XKR6: variants seen among roughly 807,000 people sequenced by gnomAD.
XKR6 encodes XK related 6.
XKR6 carries 22 observed loss-of-function variants against 56.7 expected under a neutral mutation model. The observed-to-expected ratio is 0.39, with a 90% CI of 0.28 to 0.55. XKR6 has a LOEUF of 0.55. XKR6 is among the 20% of genes least tolerant of loss of function. XKR6 has a pLI of 0.66. For synonymous variants in XKR6, 524 were observed against 387.8 expected, an observed-to-expected ratio of 1.35 and a Z score of -4.13; for missense variants, 852 against 889.0, an observed-to-expected ratio of 0.96 and a Z score of 0.53.
At chr8:10,983,833 T>G (rs2129138064) in intron 1 of XKR6, among the ~76,000 whole-genome samples, 1 of 152,156 alleles carries the variant, frequency 6.6e-6, no homozygotes, top group South Asian at 2.1e-4. Context: ...TTTTTTGTAT[T>G]TTTCGTTGAG....
In XKR6 at chr8:11,184,402, C is replaced by T. The variant is rs1050342867; in HGVS notation, c.764+16174G>A. 6.9e-3 allele frequency among the ~76,000 whole-genome samples: 530 copies of T among 76,584 alleles called. 2 individuals carry two copies. The highest frequency in any genetic ancestry group is 0.02 in the African/African-American group (464 of 23,188). The allele number at this position is 76,584 out of a possible 152,430, so 50.2% of individuals were successfully genotyped here. ...ATATACACACATACACACACACACACACACACACACACACACACTTATATT... is the reference window on the plus strand; with the variant it reads ...ATATACACACATACACACACACACATACACACACACACACACACTTATATT... On this transcript the variant is annotated intron_variant, in intron 1 of 2. Transcript: ENST00000416569.
At chr8:11,020,217 C>T (rs1237722083) in intron 1 of XKR6, among the ~76,000 whole-genome samples, 1 of 152,104 alleles carries the variant, frequency 6.6e-6, no homozygotes, top group African/African-American at 2.4e-5. Context: ...AGTTCAGGCT[C>T]TCAGTGGAGC....
intron 1 of XKR6, among the ~76,000 whole-genome samples, chr8:11,083,496 T>C (rs1260645456): frequency 6.6e-6 from 1 of 152,150 alleles, no homozygotes; most frequent in African/African-American, 2.4e-5. Flanking sequence ...ATTCTCTTTT[T>C]ATTACACCCC....
At chr8:11,107,194 ATTT>A (rs562010935) in intron 1 of XKR6, among the ~76,000 whole-genome samples, 6,599 of 144,620 alleles carry the variant, frequency 0.046, 484 homozygotes, top group African/African-American at 0.16. Context: ...CAGGATTCCA[ATTT>A]TTTTTTTTTT....
At chr8:11,145,381 G>A (rs1272412722) in intron 1 of XKR6, among the ~76,000 whole-genome samples, 1 of 152,040 alleles carries the variant, frequency 6.6e-6, no homozygotes, top group African/African-American at 2.4e-5. Context: ...TTGCTGAAAA[G>A]GCCAAGAACC....
At chr8:11,159,433 G>C (rs970288752) in intron 1 of XKR6, among the ~76,000 whole-genome samples, 5 of 152,202 alleles carry the variant, frequency 3.3e-5, no homozygotes, top group African/African-American at 1.2e-4. Context: ...CGAGAGAAAA[G>C]AACAGCTGCT....
At chr8:11,045,554 A>G (rs1394065669) in intron 1 of XKR6, among the ~76,000 whole-genome samples, 1 of 152,240 alleles carries the variant, frequency 6.6e-6, no homozygotes. Context: ...CCTCTGCTAT[A>G]AAACAGAGAT....
At chr8:11,139,431 A>G (rs1586602133) in intron 1 of XKR6, among the ~76,000 whole-genome samples, 1 of 152,224 alleles carries the variant, frequency 6.6e-6, no homozygotes, top group South Asian at 2.1e-4. Flanking sequence ...AGAACACCCC[A>G]ACAGCCTGAG....
chr8:11,088,651 A>G (rs1408450426), intron 1 of XKR6, among the ~76,000 whole-genome samples: 1 of 152,182 alleles, frequency 6.6e-6, no homozygotes, highest in Non-Finnish European at 1.5e-5. Flanking sequence ...GACACTAAAT[A>G]TTTAGATTCA....
chr8:10,927,249 C>T (rs1414037214), intron 1 of XKR6, among the ~76,000 whole-genome samples: 1 of 152,070 alleles, frequency 6.6e-6, no homozygotes, highest in Non-Finnish European at 1.5e-5. Context: ...AGCTGAAGCA[C>T]CGAGGCAGGG....
chr8:11,119,991 C>A (rs944995057), intron 1 of XKR6, among the ~76,000 whole-genome samples: 4 of 152,196 alleles, frequency 2.6e-5, no homozygotes, highest in Admixed American at 6.5e-5. Flanking sequence ...AACAACGCTT[C>A]ATGCTAAAAA....
intron 1 of XKR6, among the ~76,000 whole-genome samples, chr8:11,097,138 ATG>A (rs1404366491): frequency 6.6e-6 from 1 of 152,218 alleles, no homozygotes; most frequent in Non-Finnish European, 1.5e-5. Flanking sequence ...GCCATCTGAC[ATG>A]GCAAGGCTAA....
intron 1 of XKR6, among the ~76,000 whole-genome samples, chr8:11,011,007 G>C (rs1361714907): frequency 1.3e-5 from 2 of 152,144 alleles, no homozygotes; most frequent in Non-Finnish European, 1.5e-5. Flanking sequence ...CATTGTCTCC[G>C]CATCTCTCAG....
intron 1 of XKR6, among the ~76,000 whole-genome samples, chr8:11,094,953 G>C (rs1340989538): frequency 2.0e-5 from 3 of 152,152 alleles, no homozygotes; most frequent in African/African-American, 7.2e-5. Context: ...CCTGGGTGAT[G>C]GGATGCTCTG....
In XKR6 at chr8:10,950,438, G is replaced by T. The variant is rs146119420; in HGVS notation, c.765-25608C>A. ...ACTGTGGCAGAGATCACGGGTCCAG[G>T]CCTTTCCTGTCATTCCCACTGACCA... On this transcript the variant is annotated intron_variant, in intron 1 of 2. Transcript: ENST00000416569. Among the ~76,000 whole-genome samples the T allele has an allele frequency of 4.6e-5, 7 of 152,280 alleles. 1 individual carries two copies. The East Asian group carries it at 1.2e-3, about 25-fold the overall frequency.
chr8:11,076,192 T>C (rs899211686), intron 1 of XKR6, among the ~76,000 whole-genome samples: 18 of 152,204 alleles, frequency 1.2e-4, no homozygotes, highest in Admixed American at 4.6e-4. Flanking sequence ...AGGCAGATAG[T>C]AGAATGGGGT....
intron 2 of XKR6, among the ~76,000 whole-genome samples, chr8:10,901,683 C>T (rs1287914808): frequency 6.6e-6 from 1 of 152,130 alleles, no homozygotes; most frequent in Non-Finnish European, 1.5e-5. Context: ...TTGTTGTGTT[C>T]CTTCTAATAA....
chr8:11,095,446 C>T (rs1307763506), intron 1 of XKR6, among the ~76,000 whole-genome samples: 1 of 152,182 alleles, frequency 6.6e-6, no homozygotes, highest in Non-Finnish European at 1.5e-5. Flanking sequence ...TGATCACATG[C>T]CAGTCAAATA....
Position 11,173,529 on chromosome 8 carries a change from C to T in XKR6, c.764+27047G>A, listed in dbSNP as rs531717304. 4.6e-5 allele frequency among the ~76,000 whole-genome samples: 7 copies of T among 152,046 alleles called. 1 individual carries two copies. The highest frequency in any genetic ancestry group is 2.1e-4 in the South Asian group (1 of 4,802). On this transcript the variant is annotated intron_variant, in intron 1 of 2. Transcript: ENST00000416569. ...TGACTAAACTGGAATCTCTTTATTA[C>T]GCGGCAGGATGCTGGACAAGCTGCT...
Sources: gnomAD v4.1 joint callset for allele counts (sites outside exome capture counted in the v4.1 genomes callset) on GRCh38, gnomAD v4.1.1 for gene constraint, MANE v1.5 for transcripts, NCBI Gene and HGNC (gene_info 2026-07-23, HGNC 2026-07-21) for gene names.